Variants in LMO1 observed in about 807,000 individuals in gnomAD.
The protein encoded by LMO1 is LIM domain only 1.
LMO1 carries 10 observed loss-of-function variants against 18.0 expected under a neutral mutation model. The ratio of observed to expected loss-of-function variants is 0.55; its 90% CI spans 0.34 to 0.94. The LOEUF is 0.94. LMO1 is among the 40% of genes least tolerant of loss of function. The pLI is 0.02. For synonymous variants in LMO1, 77 were observed against 77.9 expected, an observed-to-expected ratio of 0.99 and a Z score of 0.06; for missense variants, 183 against 205.7, an observed-to-expected ratio of 0.89 and a Z score of 0.68.
rs539249229 is a variant in LMO1 at position 8,226,591 on chromosome 11, C to A, written c.365+384G>T. ...TGCACGTTGCACATACACATACACC[C>A]CCAGACATTTAAAAACACATGTACA... On this transcript the variant is annotated intron_variant, in intron 3 of 3. Transcript: ENST00000335790. Among the ~76,000 whole-genome samples, 6 of 152,286 alleles carry A rather than the reference C, an allele frequency of 3.9e-5. No individual in the cohort carries two copies. In the South Asian group the frequency reaches 6.2e-4, roughly 16 times the overall value.
intron 1 of LMO1, among the ~76,000 whole-genome samples, chr11:8,261,860 G>A (rs1847191339): frequency 6.6e-6 from 1 of 152,130 alleles, no homozygotes. Flanking sequence ...GAATAGAGAA[G>A]ACATATTGAA....
intron 1 of LMO1, among the ~76,000 whole-genome samples, chr11:8,242,133 A>T (rs1846805460): frequency 6.6e-6 from 1 of 152,212 alleles, no homozygotes; most frequent in Non-Finnish European, 1.5e-5. Context: ...ATTCAACCAC[A>T]GCAGCTCCTG....
At chr11:8,233,043 C>T (rs1018451330) in intron 1 of LMO1, among the ~76,000 whole-genome samples, 1 of 152,214 alleles carries the variant, frequency 6.6e-6, no homozygotes, top group Non-Finnish European at 1.5e-5. Context: ...GCCGCAGGTC[C>T]CCCTCCCCAC....
At chr11:8,232,125 C>T (rs924953781) in intron 1 of LMO1, among the ~76,000 whole-genome samples, 5 of 152,126 alleles carry the variant, frequency 3.3e-5, no homozygotes, top group Admixed American at 2.6e-4. Context: ...GGGGAGCTGG[C>T]GCCCACCCAC....
chr11:8,251,455 G>A (rs113917463), intron 1 of LMO1, among the ~76,000 whole-genome samples: 2 of 152,238 alleles, frequency 1.3e-5, no homozygotes, highest in Non-Finnish European at 2.9e-5. Context: ...CAGGAAAGAA[G>A]CGGGGCCCTC....
chr11:8,263,788 C>A lies in LMO1; in HGVS notation c.-426G>T. The A allele has an allele frequency of 9.3e-7, 1 of 1,071,650 alleles. No homozygotes were observed. The highest frequency in any genetic ancestry group is 1.1e-6 in the Non-Finnish European group (1 of 884,368). The allele number at this position is 1,071,650 out of a possible 1,614,324, so 66.4% of individuals were successfully genotyped here. ...TCAGCCTCATAAAGTGTTTTCCCCT[C>A]GGATTTAATCTGAATCTCAATCTAA... On this transcript the variant is annotated 5_prime_UTR_variant, in exon 1 of 4. Coordinates refer to ENST00000335790, the MANE Select transcript of LMO1 (RefSeq NM_002315.3).
In LMO1 at chr11:8,260,575, C is replaced by CA. The variant is rs1032944108; in HGVS notation, c.25+2762dup. Among the ~76,000 whole-genome samples, 4 of 114,284 alleles carry CA rather than the reference C, an allele frequency of 3.5e-5. No homozygotes were observed. In the East Asian group the frequency reaches 7.9e-4, roughly 23 times the overall value. The allele number at this position is 114,284 out of a possible 152,430, so 75.0% of individuals were successfully genotyped here. On this transcript the variant is annotated intron_variant, in intron 1 of 3. Coordinates refer to ENST00000335790, the MANE Select transcript of LMO1 (RefSeq NM_002315.3). ...ATTAATAATGCACTGTGCTTAAAAGCAAAAAAAAATTTTTTTTTTCTGACG... is the reference window on the plus strand; with the variant it reads ...ATTAATAATGCACTGTGCTTAAAAGCAAAAAAAAAATTTTTTTTTTCTGACG...
chr11:8,253,229 A>G (rs1847034785), intron 1 of LMO1, among the ~76,000 whole-genome samples: 1 of 152,110 alleles, frequency 6.6e-6, no homozygotes, highest in Admixed American at 6.6e-5. Flanking sequence ...CCAAAGAGCA[A>G]TCCTCCCAAA....
At chr11:8,235,553 A>G (rs551042638) in intron 1 of LMO1, among the ~76,000 whole-genome samples, 13 of 152,346 alleles carry the variant, frequency 8.5e-5, no homozygotes, top group African/African-American at 3.1e-4. Context: ...ATTTCTTCAA[A>G]AATATCTTTT....
intron 1 of LMO1, among the ~76,000 whole-genome samples, chr11:8,231,359 C>T (rs1952656651): frequency 6.6e-6 from 1 of 152,244 alleles, no homozygotes; most frequent in Admixed American, 6.5e-5. Flanking sequence ...TGTGCGCTCA[C>T]ACACACCCCT....
chr11:8,249,257 G>A (rs1030050837), intron 1 of LMO1, among the ~76,000 whole-genome samples: 4 of 152,106 alleles, frequency 2.6e-5, no homozygotes, highest in African/African-American at 9.7e-5. Flanking sequence ...TGCGAGCTCT[G>A]GACGAAACTG....
rs1847228005 is a variant in LMO1, at chr11:8,263,610, G to A, written c.-248C>T. The A allele has an allele frequency of 9.6e-6, 13 of 1,360,012 alleles. No homozygotes were observed. Among genetic ancestry groups the A allele is most frequent in the Non-Finnish European group, 1.1e-5 (12 of 1,060,910 alleles). 84.2% of individuals were successfully genotyped at this position (1,360,012 alleles called of 1,614,324 possible). Reference sequence around the variant, plus strand: ...AAGGAACTACGAACTGCAATTTAGAGAGAGAGGGAGAGGGAGAGAGAAGGG... The same window carrying A: ...AAGGAACTACGAACTGCAATTTAGAAAGAGAGGGAGAGGGAGAGAGAAGGG... On this transcript the variant is annotated 5_prime_UTR_variant, in exon 1 of 4. Transcript: ENST00000335790.
Position 8,263,645 on chromosome 11 carries a change from G to C in LMO1, c.-283C>G. On this transcript the variant is annotated 5_prime_UTR_variant, in exon 1 of 4. In the 5' UTR this introduces an upstream ATG that the reference lacks. Coordinates refer to ENST00000335790, the MANE Select transcript of LMO1 (RefSeq NM_002315.3). ...GAGGGAGAGAGAAGGGGGAAAAGAG[G>C]ATCAGAGCCGTTTCTTTGATTCTCA... 7.6e-7 allele frequency: 1 copy of C among 1,324,400 alleles called. No homozygotes were observed. The highest frequency in any genetic ancestry group is 3.2e-5 in the East Asian group (1 of 31,638). 82.0% of individuals were successfully genotyped at this position (1,324,400 alleles called of 1,614,324 possible).
intron 1 of LMO1, among the ~76,000 whole-genome samples, chr11:8,249,837 C>T (rs1291651065): frequency 6.6e-6 from 1 of 152,230 alleles, no homozygotes; most frequent in Non-Finnish European, 1.5e-5. Flanking sequence ...CACCTGTAAA[C>T]TCATTCATTC....
At chr11:8,258,472 C>T (rs1185502859) in intron 1 of LMO1, among the ~76,000 whole-genome samples, 6 of 152,246 alleles carry the variant, frequency 3.9e-5, no homozygotes, top group African/African-American at 7.2e-5. Flanking sequence ...CTGGCAGCTT[C>T]GCCCTGGGCC....
At chr11:8,227,140 G>A (rs780704291) in intron 2 of LMO1, 40 bp from the exon 3 acceptor site, 37 of 1,588,188 alleles carry the variant, frequency 2.3e-5, no homozygotes, top group Non-Finnish European at 2.6e-5. Context: ...CAGCATTCTG[G>A]GAAGCTGGGT....
chr11:8,233,460 C>G (rs926513214), intron 1 of LMO1, among the ~76,000 whole-genome samples: 1 of 152,190 alleles, frequency 6.6e-6, no homozygotes. Flanking sequence ...TTGCTTCTCA[C>G]AGGAGAGTGG....
At position 8,237,797 on chromosome 11, in the gene LMO1, T is replaced by C. The variant is rs985683134; in HGVS notation, c.26-7293A>G. Among the ~76,000 whole-genome samples the C allele has an allele frequency of 3.9e-4, 60 of 152,332 alleles. No individual in the cohort carries two copies. In the Middle Eastern group the frequency reaches 0.02, roughly 52 times the overall value. On this transcript the variant is annotated intron_variant, in intron 1 of 3. Coordinates refer to ENST00000335790, the MANE Select transcript of LMO1 (RefSeq NM_002315.3). Reference sequence around the variant, plus strand: ...GGTGCTGCTCACCCCTCAAGGGAGCTTGTGAGAAGAGGTGGGGTAGTGTAG... The same window carrying C: ...GGTGCTGCTCACCCCTCAAGGGAGCCTGTGAGAAGAGGTGGGGTAGTGTAG...
chr11:8,228,463 A>T (rs1291712954), intron 2 of LMO1, among the ~76,000 whole-genome samples: 1 of 152,248 alleles, frequency 6.6e-6, no homozygotes, highest in African/African-American at 2.4e-5. Flanking sequence ...ATTAAGGCAG[A>T]CAAAGGCTAG....
Sources: gnomAD v4.1 joint callset for allele counts (sites outside exome capture counted in the v4.1 genomes callset) on GRCh38, gnomAD v4.1.1 for gene constraint, MANE v1.5 for transcripts, NCBI Gene and HGNC (gene_info 2026-07-23, HGNC 2026-07-21) for gene names.